The following RNF24 variants were observed in gnomAD, a reference collection of about 807,000 sequenced individuals.
RNF24 encodes the protein ring finger protein 24.
In RNF24, 14 loss-of-function variants were observed where a neutral mutation model predicts 20.0. The observed-to-expected ratio is 0.70, with a 90% CI of 0.46 to 1.10. The LOEUF is 1.10. Ranked by LOEUF, RNF24 falls within the 50% of genes least tolerant of loss-of-function variation. The probability of loss-of-function intolerance (pLI) is 0.00; values close to 1 mark genes in which losing one functional copy is unlikely to be tolerated. For missense variants in RNF24, 124 were observed against 177.6 expected (o/e 0.70, Z 1.71); for synonymous variants, 45 against 61.1 (o/e 0.74, Z 1.23).
intron 2 of RNF24, among the ~76,000 whole-genome samples, chr20:3,957,469 A>AT (rs1434330381): frequency 5.1e-4 from 72 of 141,816 alleles, no homozygotes; most frequent in South Asian, 4.6e-3. Flanking sequence ...AAAAAAAAAA[A>AT]ATAATAATAA....
chr20:3,948,229 T>C lies in RNF24; in HGVS notation c.186+8A>G. 6.3e-7 allele frequency: 1 copy of C among 1,581,020 alleles called. No individual in the cohort carries two copies. Among genetic ancestry groups the C allele is most frequent in the East Asian group, 2.3e-5 (1 of 43,910 alleles). ...AAAATCAAAGCCAATCTGAATTAAA[T>C]TTCTCACCTGTTTGTAGGCATAAAA... On this transcript the variant is annotated splice_region_variant and intron_variant, in intron 3 of 5. Transcript: ENST00000358395.
intron 1 of RNF24, among the ~76,000 whole-genome samples, chr20:3,969,412 CAT>C (rs2091291019): frequency 6.6e-6 from 1 of 151,552 alleles, no homozygotes; most frequent in African/African-American, 2.4e-5. Flanking sequence ...CAAGGAACCA[CAT>C]GTTAACGAGT....
Position 4,014,739 on chromosome 20 carries a change from G to GCGCACACA in RNF24, c.-8+697_-8+698insTGTGTGCG, listed in dbSNP as rs1555804206. 2.4e-3 allele frequency among the ~76,000 whole-genome samples: 340 copies of GCGCACACA among 143,778 alleles called. 3 individuals are homozygous for GCGCACACA. Among genetic ancestry groups the GCGCACACA allele is most frequent in the Middle Eastern group, 7.0e-3 (2 of 286 alleles). The allele number at this position is 143,778 out of a possible 152,430, so 94.3% of individuals were successfully genotyped here. ...ATAGATGTCCCTTTCACTTGAATGCGCACACACACACACACACACACACAC... is the reference window on the plus strand; with the variant it reads ...ATAGATGTCCCTTTCACTTGAATGCGCGCACACACACACACACACACACACACACACAC... On this transcript the variant is annotated intron_variant, in intron 1 of 5. Transcript: ENST00000358395.
intron 1 of RNF24, among the ~76,000 whole-genome samples, chr20:3,980,215 C>T (rs2147025009): frequency 6.6e-6 from 1 of 152,048 alleles, no homozygotes. Flanking sequence ...GGCTTCAGAC[C>T]CCAATGGCAA....
intron 4 of RNF24, among the ~76,000 whole-genome samples, chr20:3,937,345 C>T: frequency 6.6e-6 from 1 of 152,162 alleles, no homozygotes. Context: ...TACAACTTTC[C>T]TTTACAGTTC....
chr20:3,987,553 TC>T (rs777402439), intron 1 of RNF24, among the ~76,000 whole-genome samples: 4 of 152,212 alleles, frequency 2.6e-5, no homozygotes, highest in Admixed American at 6.5e-5. Flanking sequence ...GCCTCTTTAC[TC>T]AGAGCCAATT....
At chr20:3,975,670 G>A (rs906090895) in intron 1 of RNF24, among the ~76,000 whole-genome samples, 5 of 152,156 alleles carry the variant, frequency 3.3e-5, no homozygotes, top group Admixed American at 2.6e-4. Context: ...TAATTCAGAT[G>A]TAATTAAGAA....
intron 1 of RNF24, among the ~76,000 whole-genome samples, chr20:3,981,980 T>C (rs904923206): frequency 6.6e-6 from 1 of 151,748 alleles, no homozygotes. Flanking sequence ...TAGCTGGGTA[T>C]GGTGGTGCAT....
At chr20:3,961,932 ATTAAT>A (rs2091206548) in intron 2 of RNF24, among the ~76,000 whole-genome samples, 1 of 152,204 alleles carries the variant, frequency 6.6e-6, no homozygotes, top group African/African-American at 2.4e-5. Context: ...TCAAACTATT[ATTAAT>A]TTATATTTGA....
At chr20:4,006,635 A>C (rs1981895835) in intron 1 of RNF24, among the ~76,000 whole-genome samples, 1 of 152,264 alleles carries the variant, frequency 6.6e-6, no homozygotes, top group African/African-American at 2.4e-5. Context: ...AATTACATTA[A>C]ATTTCCAGAG....
chr20:3,945,355 A>C, intron 3 of RNF24, 137 bp from the exon 4 acceptor site: 1 of 855,542 alleles, frequency 1.2e-6, no homozygotes, highest in Non-Finnish European at 1.7e-6. Flanking sequence ...AATTTCTTTT[A>C]CAGTTTGAGA....
intron 1 of RNF24, among the ~76,000 whole-genome samples, chr20:3,994,888 G>C (rs897166577): frequency 1.3e-5 from 2 of 152,154 alleles, no homozygotes; most frequent in African/African-American, 4.8e-5. Flanking sequence ...GTGAAATAAA[G>C]AAGTTTAGTA....
intron 2 of RNF24, among the ~76,000 whole-genome samples, chr20:3,962,112 G>C (rs2091208310): frequency 1.3e-5 from 2 of 152,122 alleles, no homozygotes; most frequent in Admixed American, 6.5e-5. Flanking sequence ...CAGCACTTTG[G>C]GAGGTTGAGG....
At chr20:3,968,445 CAAATAA>C (rs2091282477) in intron 1 of RNF24, among the ~76,000 whole-genome samples, 1 of 152,020 alleles carries the variant, frequency 6.6e-6, no homozygotes, top group Admixed American at 6.6e-5. Context: ...CCCACCTGTA[CAAATAA>C]AAATAAAAAT....
intron 1 of RNF24, among the ~76,000 whole-genome samples, chr20:3,973,597 G>T (rs1978587921): frequency 6.7e-6 from 1 of 150,050 alleles, no homozygotes; most frequent in Admixed American, 6.6e-5. Flanking sequence ...ACATCAAAAG[G>T]ATAAGAAGGG....
intron 4 of RNF24, among the ~76,000 whole-genome samples, chr20:3,936,426 A>T (rs2090892204): frequency 6.6e-6 from 1 of 152,202 alleles, no homozygotes; most frequent in Non-Finnish European, 1.5e-5. Flanking sequence ...CTTGGGGGGT[A>T]GGGTTAAGGA....
chr20:3,937,351 A>G (rs16989074), intron 4 of RNF24, among the ~76,000 whole-genome samples: 2,065 of 152,288 alleles, frequency 0.014, 60 homozygotes, highest in African/African-American at 0.047. Context: ...TTTCCTTTAC[A>G]GTTCATATTT....
chr20:3,965,954 C>G (rs1299916103), intron 1 of RNF24, among the ~76,000 whole-genome samples: 2 of 151,654 alleles, frequency 1.3e-5, no homozygotes, highest in Non-Finnish European at 2.9e-5. Flanking sequence ...GCCAACATGG[C>G]GACAATGTGT....
rs150234284 is a variant in RNF24 at position 3,962,360 on chromosome 20, T to G, written c.143+1515A>C. Among the ~76,000 whole-genome samples the G allele has an allele frequency of 3.3e-3, 506 of 152,162 alleles. 2 individuals are homozygous for G. The highest frequency in any genetic ancestry group is 0.012 in the African/African-American group (488 of 41,506). On this transcript the variant is annotated intron_variant, in intron 2 of 5. Transcript: ENST00000358395. Reference sequence around the variant, plus strand: ...CAGAGTGAGAACCCATCTCAAATAATAATAATAATAACAATAAAGAACTCA... The same window carrying G: ...CAGAGTGAGAACCCATCTCAAATAAGAATAATAATAACAATAAAGAACTCA...
Sources: gnomAD v4.1 joint callset for allele counts (sites outside exome capture counted in the v4.1 genomes callset) on GRCh38, gnomAD v4.1.1 for gene constraint, MANE v1.5 for transcripts, NCBI Gene and HGNC (gene_info 2026-07-23, HGNC 2026-07-21) for gene names.